Variants in AGPAT5 observed in about 807,000 individuals in gnomAD.
AGPAT5 encodes the protein 1-acylglycerol-3-phosphate O-acyltransferase 5.
Under a neutral mutation model 45.6 loss-of-function variants are expected in AGPAT5, and 46 were observed. That is an observed-to-expected ratio of 1.01 (90% CI 0.80 to 1.29). AGPAT5 has a LOEUF of 1.29. Ranked by LOEUF, AGPAT5 falls within the 50% of genes most tolerant of loss-of-function variation. AGPAT5 has a pLI of 0.00. For synonymous variants in AGPAT5, 272 were observed against 167.0 expected (o/e 1.63, Z -4.85); for missense variants, 673 against 450.7 (o/e 1.49, Z -4.47).
chr8:6,720,648 C>A (rs140068028), intron 1 of AGPAT5, among the ~76,000 whole-genome samples: 1 of 152,130 alleles, frequency 6.6e-6, no homozygotes, highest in Non-Finnish European at 1.5e-5. Flanking sequence ...TGCTGTTTAA[C>A]CAAGAGAAAA....
chr8:6,757,765 A>C lies in AGPAT5; in HGVS notation c.*377A>C, dbSNP rs926630416. ...TTTCTGTTATTTTCAATTTATTACA[A>C]CTTGACAGCTCCAAGCTCTTATTAC... On this transcript the variant is annotated 3_prime_UTR_variant, in exon 8 of 8. Coordinates refer to ENST00000285518, the MANE Select transcript of AGPAT5 (RefSeq NM_018361.5). 1.2e-5 allele frequency: 2 copies of C among 166,392 alleles called. No individual in the cohort carries two copies. Among genetic ancestry groups the C allele is most frequent in the African/African-American group, 4.8e-5 (2 of 41,750 alleles). 10.3% of individuals were successfully genotyped at this position (166,392 alleles called of 1,614,324 possible). A position where few individuals can be genotyped will look rare whatever the true frequency, so the allele number is the denominator to read the frequency against.
intron 4 of AGPAT5, among the ~76,000 whole-genome samples, chr8:6,735,637 C>A (rs1446820152): frequency 1.3e-5 from 2 of 152,112 alleles, no homozygotes; most frequent in Admixed American, 1.3e-4. Flanking sequence ...TGCAACCTTG[C>A]AGCTCTCTGA....
At chr8:6,728,170 C>T (rs1800750047) in intron 2 of AGPAT5, among the ~76,000 whole-genome samples, 1 of 152,190 alleles carries the variant, frequency 6.6e-6, no homozygotes. Flanking sequence ...TCCTCTCCTC[C>T]AAGTTAATGG....
In AGPAT5 at chr8:6,741,730, C is replaced by A. The variant is rs1801251209; in HGVS notation, c.565C>A (p.Gln189Lys). 2 of 1,612,080 alleles carry A rather than the reference C, an allele frequency of 1.2e-6. No homozygotes were observed. The highest frequency in any genetic ancestry group is 8.5e-7 in the Non-Finnish European group (1 of 1,178,914). ...PEQTKVLSAS[Q>K]AFAAQRGLAV... ...GCAAACAAAAGTCCTTTCAGCTAGT[C>A]AGGCATTTGCTGCCCAACGTGGTAA... The change falls in exon 5 of 8, where the codon CAG becomes AAG. Residue 189 changes from glutamine to lysine, a missense_variant. By Grantham distance (53) the Gln-to-Lys change is moderately conservative. Coordinates refer to ENST00000285518, the MANE Select transcript of AGPAT5 (RefSeq NM_018361.5).
chr8:6,753,393 A>AT (rs1207543200), intron 6 of AGPAT5, among the ~76,000 whole-genome samples: 2 of 152,150 alleles, frequency 1.3e-5, no homozygotes, highest in East Asian at 3.8e-4. Flanking sequence ...GGAGATCTAG[A>AT]TAATTCAGTG....
At chr8:6,734,275 T>C (rs1475861532) in intron 4 of AGPAT5, among the ~76,000 whole-genome samples, 1 of 152,108 alleles carries the variant, frequency 6.6e-6, no homozygotes, top group African/African-American at 2.4e-5. Context: ...TTTAATTTTT[T>C]TTTTTACGCC....
intron 5 of AGPAT5, 145 bp from the exon 6 acceptor site, chr8:6,747,524 AC>A: frequency 1.3e-6 from 1 of 745,622 alleles, no homozygotes; most frequent in African/African-American, 1.8e-5. Context: ...TGCTTTCTAA[AC>A]TTAGAGCCCT....
Position 6,755,023 on chromosome 8 carries a change from A to G in AGPAT5, c.746-28A>G, listed in dbSNP as rs373235746. ...GACCATGAGTTCTAAAATAGTAAAA[A>G]AAAAGAATTATTTTTGTTCTTTGTT... On this transcript the variant is annotated intron_variant, in intron 6 of 7. Transcript: ENST00000285518. The G allele has an allele frequency of 4.3e-4, 661 of 1,543,648 alleles. 6 individuals carry two copies. The African/African-American group carries it at 8.4e-3, about 20-fold the overall frequency.
intron 2 of AGPAT5, among the ~76,000 whole-genome samples, chr8:6,729,434 T>C (rs1291324659): frequency 3.3e-5 from 5 of 151,848 alleles, no homozygotes; most frequent in African/African-American, 9.7e-5. Flanking sequence ...GATAGAATTA[T>C]TCTTTTCACA....
At chr8:6,717,303 G>A (rs932997805) in intron 1 of AGPAT5, among the ~76,000 whole-genome samples, 2 of 152,176 alleles carry the variant, frequency 1.3e-5, no homozygotes, top group African/African-American at 4.8e-5. Flanking sequence ...GTGTATAAGT[G>A]TAAGTAATAT....
chr8:6,719,776 CT>C (rs548277496), intron 1 of AGPAT5, among the ~76,000 whole-genome samples: 6 of 152,196 alleles, frequency 3.9e-5, no homozygotes, highest in Non-Finnish European at 8.8e-5. Context: ...TCTATCTTCT[CT>C]TAAAAAATCT....
chr8:6,729,231 T>A (rs1175842502), intron 2 of AGPAT5, among the ~76,000 whole-genome samples: 1 of 152,224 alleles, frequency 6.6e-6, no homozygotes, highest in Admixed American at 6.5e-5. Context: ...GTGCATTGTC[T>A]AATAGATTTC....
rs1193396640 is a variant in AGPAT5, at chr8:6,730,577, G to A, written c.290-134G>A. 13 of 59,866 alleles carry A rather than the reference G, an allele frequency of 2.2e-4. 4 individuals carry two copies. Among genetic ancestry groups the A allele is most frequent in the Non-Finnish European group, 3.1e-4 (11 of 36,052 alleles). 3.7% of individuals were successfully genotyped at this position (59,866 alleles called of 1,614,324 possible). On this transcript the variant is annotated intron_variant, in intron 2 of 7. Transcript: ENST00000285518. Reference sequence around the variant, plus strand: ...GATCTCCTGACCTCGTGATCCGCCCGCCTCGGCCTCCCAAAGTGCTGGGAT... The same window carrying A: ...GATCTCCTGACCTCGTGATCCGCCCACCTCGGCCTCCCAAAGTGCTGGGAT...
Position 6,757,647 on chromosome 8 carries a change from A to C in AGPAT5, c.*259A>C. The stretch of plus-strand genomic sequence containing the variant: ...TCTCCTGCTCTGTCCATTTCCTATG[A>C]ACTAATGACAACTTGAGAAGGCTGG... On this transcript the variant is annotated 3_prime_UTR_variant, in exon 8 of 8. Transcript: ENST00000285518. The C allele has an allele frequency of 3.0e-6, 1 of 333,798 alleles. No individual in the cohort carries two copies. The highest frequency in any genetic ancestry group is 5.5e-6 in the Non-Finnish European group (1 of 183,072). The allele number at this position is 333,798 out of a possible 1,614,324, so 20.7% of individuals were successfully genotyped here.
rs1455413513 is a variant in AGPAT5 at position 6,743,747 on chromosome 8, C to G, written c.586+1996C>G. Among the ~76,000 whole-genome samples the G allele has an allele frequency of 2.0e-5, 3 of 149,708 alleles. No individual in the cohort carries two copies. In the Admixed American group the frequency reaches 2.0e-4, roughly 10 times the overall value. ...AATGTATCTTAATCTGCCACCTGGA[C>G]CCATTAAAGTAAGCCCCTATGGTGG... On this transcript the variant is annotated intron_variant, in intron 5 of 7. Transcript: ENST00000285518.
At position 6,747,678 on chromosome 8, in the gene AGPAT5, G is replaced by C. The variant is rs755867134; in HGVS notation, c.595G>C (p.Val199Leu). The C allele has an allele frequency of 4.3e-6, 7 of 1,613,614 alleles. No individual in the cohort carries two copies. The Admixed American group carries it at 1.2e-4, about 27-fold the overall frequency. ...QAFAAQRGLA[V>L]LKHVLTPRIK... ...ACTGAATTGACTTCTAGGCCTTGCA[G>C]TATTAAAACATGTGCTAACACCACG... Residue 199 changes from valine to leucine, a missense_variant, in exon 6 of 8, where the codon GTA becomes CTA. Coordinates refer to ENST00000285518, the MANE Select transcript of AGPAT5 (RefSeq NM_018361.5).
chr8:6,735,183 A>T (rs1425324351), intron 4 of AGPAT5, among the ~76,000 whole-genome samples: 1 of 152,062 alleles, frequency 6.6e-6, no homozygotes, highest in Non-Finnish European at 1.5e-5. Flanking sequence ...ACCCAGCCTC[A>T]TCGAGTATTC....
intron 2 of AGPAT5, among the ~76,000 whole-genome samples, chr8:6,725,410 C>G (rs1800652751): frequency 6.6e-6 from 1 of 152,176 alleles, no homozygotes; most frequent in South Asian, 2.1e-4. Context: ...TGGTTTAATT[C>G]TAGTTGCTAC....
At chr8:6,735,753 C>T (rs754020018) in intron 4 of AGPAT5, among the ~76,000 whole-genome samples, 5 of 151,974 alleles carry the variant, frequency 3.3e-5, no homozygotes, top group Non-Finnish European at 7.4e-5. Flanking sequence ...GAAGCCGCCT[C>T]CCATTTTTGG....
Sources: allele counts gnomAD v4.1 joint callset (sites outside exome capture counted in the v4.1 genomes callset), GRCh38; gene constraint gnomAD v4.1.1; transcripts MANE v1.5; gene names NCBI Gene and HGNC (gene_info 2026-07-23, HGNC 2026-07-21).